MAGI1: variants seen among roughly 807,000 people sequenced by gnomAD.
The protein encoded by MAGI1 is membrane associated guanylate kinase, WW and PDZ domain containing 1, also known as membrane-associated guanylate kinase, WW and PDZ domain-containing protein 1.
In MAGI1, 58 loss-of-function variants were observed where a neutral mutation model predicts 139.9. The observed-to-expected ratio is 0.41, with a 90% CI of 0.34 to 0.52. The LOEUF (loss-of-function observed/expected upper bound fraction) is 0.52, where lower values mean the gene tolerates loss of function less well. MAGI1 is among the 20% of genes least tolerant of loss of function. The probability of loss-of-function intolerance (pLI) is 0.12; values close to 1 mark genes in which losing one functional copy is unlikely to be tolerated. For synonymous variants in MAGI1, 812 were observed against 737.9 expected, an observed-to-expected ratio of 1.10 and a Z score of -1.63; for missense variants, 1,874 against 1,901.6, an observed-to-expected ratio of 0.99 and a Z score of 0.27.
chr3:65,397,759 T>C (rs2107072117), intron 13 of MAGI1, among the ~76,000 whole-genome samples: 1 of 152,300 alleles, frequency 6.6e-6, no homozygotes, highest in South Asian at 2.1e-4. Context: ...AATGATTACA[T>C]TATGTGCGTA....
At chr3:65,364,423 TG>T (rs1941205237) in intron 20 of MAGI1, among the ~76,000 whole-genome samples, 1 of 152,160 alleles carries the variant, frequency 6.6e-6, no homozygotes, top group Non-Finnish European at 1.5e-5. Context: ...TGCCGATCCT[TG>T]TGACAATTAC....
chr3:65,832,468 T>C (rs547347243), intron 1 of MAGI1, among the ~76,000 whole-genome samples: 5 of 152,082 alleles, frequency 3.3e-5, no homozygotes, highest in Admixed American at 6.6e-5. Flanking sequence ...ACCAAACTGC[T>C]AGCATGTCTC....
intron 1 of MAGI1, among the ~76,000 whole-genome samples, chr3:65,625,448 T>A (rs929199526): frequency 1.3e-5 from 2 of 152,164 alleles, no homozygotes; most frequent in Non-Finnish European, 2.9e-5. Context: ...TACTTCTGAA[T>A]CCTGGCTCAA....
At chr3:66,009,767 C>T (rs1317144029) in intron 1 of MAGI1, among the ~76,000 whole-genome samples, 1 of 151,748 alleles carries the variant, frequency 6.6e-6, no homozygotes, top group East Asian at 1.9e-4. Context: ...AACTCTTCAA[C>T]CTAAAAGAAT....
intron 3 of MAGI1, among the ~76,000 whole-genome samples, chr3:65,491,451 G>A (rs188734868): frequency 7.2e-5 from 11 of 151,728 alleles, no homozygotes; most frequent in Admixed American, 3.9e-4. Flanking sequence ...TTTCCTTTCC[G>A]ACCCAATCCT....
At chr3:65,930,052 C>G (rs530659487) in intron 1 of MAGI1, among the ~76,000 whole-genome samples, 1 of 152,096 alleles carries the variant, frequency 6.6e-6, no homozygotes, top group Non-Finnish European at 1.5e-5. Context: ...CGCGTTGGCT[C>G]ACACCTGTAA....
rs1240097926 is a variant in MAGI1 at position 65,379,266 on chromosome 3, G to A, written c.2990C>T (p.Thr997Ile). The A allele has an allele frequency of 1.2e-6, 2 of 1,611,788 alleles. No individual in the cohort carries two copies. Reference sequence around the variant, plus strand: ...ATTTCACGTTCAGCACTCACCAAAGGTCGTGCCTGCTTCGGGCCTGCTCAC... The same window carrying A: ...ATTTCACGTTCAGCACTCACCAAAGATCGTGCCTGCTTCGGGCCTGCTCAC... ...SSVSRPEAGTTFGNACVAMPH... is the reference protein window; with the variant it reads ...SSVSRPEAGTIFGNACVAMPH... Residue 997 changes from threonine to isoleucine, a missense_variant, in exon 17 of 23, where the codon ACC becomes ATC. This residue lies in a region of MAGI1 where 653 missense variants were observed against 644.5 expected (regional missense o/e 1.01). Coordinates refer to ENST00000402939, the MANE Select transcript of MAGI1 (RefSeq NM_001033057.2).
At chr3:65,596,744 T>G (rs1395484006) in intron 2 of MAGI1, among the ~76,000 whole-genome samples, 1 of 152,164 alleles carries the variant, frequency 6.6e-6, no homozygotes, top group Non-Finnish European at 1.5e-5. Context: ...CCTTCCGGGT[T>G]TGGCCCATTC....
intron 1 of MAGI1, among the ~76,000 whole-genome samples, chr3:65,677,590 AC>A (rs2087278176): frequency 6.6e-6 from 1 of 152,190 alleles, no homozygotes; most frequent in Non-Finnish European, 1.5e-5. Flanking sequence ...TCAACACTGG[AC>A]CCAGACTTAT....
At chr3:65,974,750 T>C (rs1316628501) in intron 1 of MAGI1, among the ~76,000 whole-genome samples, 1 of 152,122 alleles carries the variant, frequency 6.6e-6, no homozygotes, top group African/African-American at 2.4e-5. Context: ...GCTCACAGCA[T>C]AGCTTCTCCC....
At chr3:65,550,958 C>G (rs567680976) in intron 2 of MAGI1, among the ~76,000 whole-genome samples, 1 of 152,024 alleles carries the variant, frequency 6.6e-6, no homozygotes, top group African/African-American at 2.4e-5. Flanking sequence ...CAACAGAGAC[C>G]CTGTCTTAAA....
At chr3:65,668,331 T>C (rs992330127) in intron 1 of MAGI1, among the ~76,000 whole-genome samples, 1 of 152,194 alleles carries the variant, frequency 6.6e-6, no homozygotes, top group African/African-American at 2.4e-5. Context: ...GAGAGTCAAA[T>C]GTTAGCACCT....
chr3:65,762,003 G>C (rs796609336), intron 1 of MAGI1, among the ~76,000 whole-genome samples: 2 of 152,226 alleles, frequency 1.3e-5, no homozygotes, highest in South Asian at 4.1e-4. Context: ...CACCTCAATA[G>C]AGCAGACTGG....
intron 1 of MAGI1, among the ~76,000 whole-genome samples, chr3:65,849,485 A>ATATATATATC (rs1491418139): frequency 2.1e-5 from 3 of 140,570 alleles, no homozygotes; most frequent in African/African-American, 8.1e-5. Flanking sequence ...ATATATATAT[A>ATATATATATC]TCATCAAATA....
intron 13 of MAGI1, among the ~76,000 whole-genome samples, chr3:65,392,406 G>A (rs1265920298): frequency 6.6e-6 from 1 of 152,142 alleles, no homozygotes; most frequent in African/African-American, 2.4e-5. Context: ...TAGACACCAT[G>A]TCACTATACT....
At chr3:65,735,292 A>T (rs4301041) in intron 1 of MAGI1, among the ~76,000 whole-genome samples, 71,633 of 151,904 alleles carry the variant, frequency 0.47, 17,948 homozygotes, top group East Asian at 0.98. Context: ...ACAGAAGTTA[A>T]GGATTTTTGG....
At chr3:66,020,421 C>T (rs370907925) in intron 1 of MAGI1, among the ~76,000 whole-genome samples, 14 of 152,206 alleles carry the variant, frequency 9.2e-5, no homozygotes, top group African/African-American at 3.1e-4. Flanking sequence ...CAGAGCGAGA[C>T]TCTATCTCAA....
chr3:65,983,950 C>T (rs549756188), intron 1 of MAGI1, among the ~76,000 whole-genome samples: 6 of 152,242 alleles, frequency 3.9e-5, no homozygotes, highest in Non-Finnish European at 8.8e-5. Flanking sequence ...CCAGGAAGTA[C>T]TCATGTTGTC....
intron 16 of MAGI1, 59 bp downstream of exon 16, chr3:65,381,818 G>A (rs1036282817): frequency 2.1e-6 from 3 of 1,429,646 alleles, no homozygotes; most frequent in African/African-American, 1.4e-5. Flanking sequence ...ACAGGAAGGA[G>A]GCCTTTTCTG....
Sources: allele counts gnomAD v4.1 joint callset (sites outside exome capture counted in the v4.1 genomes callset), GRCh38; gene constraint gnomAD v4.1.1; regional missense constraint gnomAD v4.1.1; transcripts MANE v1.5; gene names NCBI Gene and HGNC (gene_info 2026-07-23, HGNC 2026-07-21).